PCP4: variants seen among roughly 807,000 people sequenced by gnomAD.
PCP4 encodes calmodulin regulator protein PCP4.
PCP4 carries 8 observed loss-of-function variants against 10.0 expected under a neutral mutation model. The ratio of observed to expected loss-of-function variants is 0.80; its 90% confidence interval spans 0.47 to 1.45. The LOEUF is 1.45. PCP4 is among the 40% of genes most tolerant of loss of function. The pLI is 0.00. For synonymous variants in PCP4, 21 were observed against 23.0 expected, an observed-to-expected ratio of 0.91 and a Z score of 0.24; for missense variants, 54 against 74.4, an observed-to-expected ratio of 0.73 and a Z score of 1.01.
chr21:39,874,713 G>C lies in PCP4; in HGVS notation c.9+7203G>C, dbSNP rs117510074. Among the ~76,000 whole-genome samples, 731 of 143,984 alleles carry C rather than the reference G, an allele frequency of 5.1e-3. 6 individuals are homozygous for C. Among genetic ancestry groups the C allele is most frequent in the South Asian group, 0.017 (77 of 4,622 alleles). 94.5% of individuals were successfully genotyped at this position (143,984 alleles called of 152,430 possible). A position where few individuals can be genotyped will look rare whatever the true frequency, so the allele number is the denominator to read the frequency against. On this transcript the variant is annotated intron_variant, in intron 1 of 2. Coordinates refer to ENST00000328619, the MANE Select transcript of PCP4 (RefSeq NM_006198.3). Reference sequence around the variant, plus strand: ...AAGCATCTGTTCATCAGGTGGTTAAGTTCTAGTATTTTAAAAAAAAACCTA... The same window carrying C: ...AAGCATCTGTTCATCAGGTGGTTAACTTCTAGTATTTTAAAAAAAAACCTA...
chr21:39,881,562 A>T (rs1482779353), intron 1 of PCP4, among the ~76,000 whole-genome samples: 2 of 152,214 alleles, frequency 1.3e-5, no homozygotes, highest in African/African-American at 4.8e-5. Context: ...CAGTTCTGAC[A>T]TCACAGCGGA....
At position 39,894,337 on chromosome 21, in the gene PCP4, C is replaced by T. The variant is rs530231210; in HGVS notation, c.10-4139C>T. On this transcript the variant is annotated intron_variant, in intron 1 of 2. Transcript: ENST00000328619. ...CTCTTCTTAGCAGTCATAACTGATT[C>T]ACTCTCTAGATCCCTTGGAAAACAT... Among the ~76,000 whole-genome samples, 25 of 152,334 alleles carry T rather than the reference C, an allele frequency of 1.6e-4. 1 individual carries two copies. The highest frequency in any genetic ancestry group is 5.8e-4 in the African/African-American group (24 of 41,568).
intron 1 of PCP4, among the ~76,000 whole-genome samples, chr21:39,893,909 C>T (rs1357779881): frequency 6.6e-6 from 1 of 152,146 alleles, no homozygotes; most frequent in African/African-American, 2.4e-5. Context: ...TAGATAGACA[C>T]AGAGCTGGCT....
At chr21:39,885,470 G>A (rs746716067) in intron 1 of PCP4, among the ~76,000 whole-genome samples, 53 of 152,252 alleles carry the variant, frequency 3.5e-4, no homozygotes, top group Non-Finnish European at 6.2e-4. Flanking sequence ...GCTGGCGGCT[G>A]GGGAAACCTC....
intron 2 of PCP4, among the ~76,000 whole-genome samples, chr21:39,927,329 CT>C (rs760992149): frequency 0.095 from 8,110 of 85,726 alleles, 258 homozygotes; most frequent in Middle Eastern, 0.16. Context: ...TATCATCTAT[CT>C]ATCTATCTGT....
intron 2 of PCP4, among the ~76,000 whole-genome samples, chr21:39,902,425 A>G (rs1247010758): frequency 2.0e-5 from 3 of 152,218 alleles, no homozygotes; most frequent in African/African-American, 4.8e-5. Flanking sequence ...AAAACTTCAG[A>G]AGGTATTTAG....
At chr21:39,903,183 A>G (rs938625856) in intron 2 of PCP4, among the ~76,000 whole-genome samples, 1 of 152,200 alleles carries the variant, frequency 6.6e-6, no homozygotes, top group Non-Finnish European at 1.5e-5. Context: ...AGATTTATGA[A>G]TAATAAACCT....
At chr21:39,928,862 G>A (rs1295777407) in intron 2 of PCP4, 122 bp from the exon 3 acceptor site, 6 of 877,626 alleles carry the variant, frequency 6.8e-6, no homozygotes, top group East Asian at 2.5e-5. Flanking sequence ...GTCCTGGGGT[G>A]TAAGTTAAGC....
At chr21:39,882,076 G>C (rs549502127) in intron 1 of PCP4, among the ~76,000 whole-genome samples, 108 of 152,336 alleles carry the variant, frequency 7.1e-4, no homozygotes, top group Admixed American at 1.4e-3. Flanking sequence ...AAACATAGCT[G>C]CTTGCATTTG....
At chr21:39,898,582 G>T in intron 2 of PCP4, 55 bp downstream of exon 2, 7 of 1,374,112 alleles carry the variant, frequency 5.1e-6, no homozygotes, top group Non-Finnish European at 6.2e-6. Flanking sequence ...GCAGCCCTGG[G>T]TATGCAGCAG....
chr21:39,872,392 G>T (rs1178218678), intron 1 of PCP4, among the ~76,000 whole-genome samples: 2 of 152,194 alleles, frequency 1.3e-5, no homozygotes, highest in East Asian at 1.9e-4. Context: ...TGGTCCTTCT[G>T]TTCTTAGACC....
chr21:39,924,863 A>G (rs913862978), intron 2 of PCP4, among the ~76,000 whole-genome samples: 12 of 152,032 alleles, frequency 7.9e-5, no homozygotes, highest in African/African-American at 2.9e-4. Context: ...CTGGCCAGCT[A>G]TTGGTGGCAG....
chr21:39,922,664 C>T (rs2087601906), intron 2 of PCP4, among the ~76,000 whole-genome samples: 1 of 152,164 alleles, frequency 6.6e-6, no homozygotes, highest in Non-Finnish European at 1.5e-5. Context: ...AATGAGGTTT[C>T]TGCTCAGAGG....
intron 2 of PCP4, among the ~76,000 whole-genome samples, chr21:39,912,668 G>A (rs2087546067): frequency 6.6e-6 from 1 of 151,970 alleles, no homozygotes; most frequent in Admixed American, 6.6e-5. Context: ...CCATTTTCCG[G>A]GGTGATTCGG....
intron 2 of PCP4, among the ~76,000 whole-genome samples, chr21:39,915,487 C>T (rs963506972): frequency 6.6e-6 from 1 of 152,128 alleles, no homozygotes; most frequent in African/African-American, 2.4e-5. Flanking sequence ...GCTGAAACCC[C>T]AAGATAACAA....
At chr21:39,921,721 G>A (rs1355847314) in intron 2 of PCP4, among the ~76,000 whole-genome samples, 1 of 152,172 alleles carries the variant, frequency 6.6e-6, no homozygotes, top group Admixed American at 6.5e-5. Flanking sequence ...CAGCAAAAAG[G>A]TGGAGAGAGG....
chr21:39,893,973 C>T (rs1182634819), intron 1 of PCP4, among the ~76,000 whole-genome samples: 2 of 152,186 alleles, frequency 1.3e-5, no homozygotes, highest in Non-Finnish European at 2.9e-5. Flanking sequence ...GGCTGTCCTT[C>T]TTCTAGACTC....
At chr21:39,912,964 C>T (rs977229029) in intron 2 of PCP4, among the ~76,000 whole-genome samples, 2 of 152,110 alleles carry the variant, frequency 1.3e-5, no homozygotes, top group Non-Finnish European at 2.9e-5. Context: ...CCTAGGCCTC[C>T]CAAAGTGAGG....
At chr21:39,927,358 TATCTATCTATC>T (rs1173671507) in intron 2 of PCP4, among the ~76,000 whole-genome samples, 16 of 61,742 alleles carry the variant, frequency 2.6e-4, no homozygotes, top group Admixed American at 6.8e-4. Context: ...TCTATCTATC[TATCTATCTATC>T]ATCTATCTAT....
Sources: gnomAD v4.1 joint callset for allele counts (sites outside exome capture counted in the v4.1 genomes callset) on GRCh38, gnomAD v4.1.1 for gene constraint, MANE v1.5 for transcripts, NCBI Gene and HGNC (gene_info 2026-07-23, HGNC 2026-07-21) for gene names.